TP63: variants seen among roughly 807,000 people sequenced by gnomAD.
TP63 encodes tumor protein p63.
A neutral mutation model predicts 82.8 loss-of-function variants in TP63; 17 were observed. The observed-to-expected ratio is 0.21, with a 90% confidence interval of 0.14 to 0.31. The LOEUF (loss-of-function observed/expected upper bound fraction) is 0.31, where lower values mean the gene tolerates loss of function less well. Among genes scored for constraint, TP63 ranks in the 10% least tolerant of loss-of-function variants. The pLI is 1.00. For missense variants in TP63, 648 were observed against 895.3 expected, an observed-to-expected ratio of 0.72 and a Z score of 3.52; for synonymous variants, 330 against 321.7, an observed-to-expected ratio of 1.03 and a Z score of -0.28.
At chr3:189,691,844 A>G (rs1372821412) in intron 1 of TP63, among the ~76,000 whole-genome samples, 1 of 152,214 alleles carries the variant, frequency 6.6e-6, no homozygotes. Context: ...AGTTAAAAAA[A>G]CTAAGTGACT....
rs186013999 is a variant in TP63 at position 189,708,362 on chromosome 3, C to T, written c.63-29378C>T. ...AAACCACAATCTATCTTTGTTTTCT[C>T]GTTTGTTTGTTAGCTACAGCCTGAT... On this transcript the variant is annotated intron_variant, in intron 1 of 13. Transcript: ENST00000264731. Among the ~76,000 whole-genome samples the T allele has an allele frequency of 8.5e-5, 13 of 152,232 alleles. No individual in the cohort carries two copies. In the Middle Eastern group the frequency reaches 0.01, roughly 119 times the overall value.
chr3:189,772,386 T>G (rs1277716234), intron 3 of TP63, among the ~76,000 whole-genome samples: 1 of 152,230 alleles, frequency 6.6e-6, no homozygotes, highest in East Asian at 1.9e-4. Context: ...GGTCTCCTAA[T>G]TGTTTCCACT....
chr3:189,680,188 G>C (rs564527891), intron 1 of TP63, among the ~76,000 whole-genome samples: 41 of 152,112 alleles, frequency 2.7e-4, no homozygotes, highest in Middle Eastern at 6.8e-3. Context: ...TCTTTTGGGT[G>C]TTTGGATATT....
chr3:189,879,853 C>G (rs772295530), intron 10 of TP63, among the ~76,000 whole-genome samples: 31 of 152,086 alleles, frequency 2.0e-4, no homozygotes, highest in Non-Finnish European at 4.0e-4. Context: ...ACTACTATAG[C>G]CTTATCCCAT....
At chr3:189,614,014 A>G in the TP63 span, among the ~76,000 whole-genome samples, 1 of 152,094 alleles carries the variant, frequency 6.6e-6, no homozygotes, top group Non-Finnish European at 1.5e-5. Flanking sequence ...TGGACTGTGG[A>G]CTTTTTGGTT....
chr3:189,601,594 G>A, the TP63 span, among the ~76,000 whole-genome samples: 1 of 152,068 alleles, frequency 6.6e-6, no homozygotes, highest in Non-Finnish European at 1.5e-5. Context: ...TTTATCCTTA[G>A]AACATTGAAG....
At chr3:189,674,377 A>G (rs1715202077) in intron 1 of TP63, among the ~76,000 whole-genome samples, 1 of 152,080 alleles carries the variant, frequency 6.6e-6, no homozygotes, top group South Asian at 2.1e-4. Flanking sequence ...CCTCAAAAAC[A>G]GAAACCCAGA....
intron 3 of TP63, among the ~76,000 whole-genome samples, chr3:189,802,807 T>C (rs35389543): frequency 0.066 from 10,052 of 152,264 alleles, 454 homozygotes; most frequent in Non-Finnish European, 0.097. Flanking sequence ...TTGGGAATAC[T>C]GTTGTATCTT....
At chr3:189,884,142 A>G (rs1720199228) in intron 10 of TP63, among the ~76,000 whole-genome samples, 1 of 152,170 alleles carries the variant, frequency 6.6e-6, no homozygotes, top group Non-Finnish European at 1.5e-5. Context: ...TCAGTGAGCA[A>G]AGAGAATTGA....
At chr3:189,642,978 A>AATTTATTTATTTATTTATTTATTTATTT (rs202072069) in intron 1 of TP63, among the ~76,000 whole-genome samples, 3 of 137,704 alleles carry the variant, frequency 2.2e-5, no homozygotes, top group Non-Finnish European at 4.7e-5. Context: ...CAGACAGCCA[A>AATTTATTTATTTATTTATTTATTTATTT]ATTTATTTAT....
chr3:189,858,619 A>G (rs1014517082), intron 4 of TP63, among the ~76,000 whole-genome samples: 1 of 152,128 alleles, frequency 6.6e-6, no homozygotes, highest in South Asian at 2.1e-4. Flanking sequence ...TACAAAAAAC[A>G]TACACCAAAA....
At chr3:189,848,972 G>A (rs1316696665) in intron 4 of TP63, among the ~76,000 whole-genome samples, 1 of 152,152 alleles carries the variant, frequency 6.6e-6, no homozygotes, top group Non-Finnish European at 1.5e-5. Context: ...CCACCCCCCA[G>A]CCTCCAGGAA....
At chr3:189,704,429 T>C (rs1718049722) in intron 1 of TP63, among the ~76,000 whole-genome samples, 3 of 152,234 alleles carry the variant, frequency 2.0e-5, no homozygotes, top group Non-Finnish European at 2.9e-5. Context: ...AATATCTACC[T>C]ATTGTTCAGA....
chr3:189,723,448 C>A (rs1719541436), intron 1 of TP63, among the ~76,000 whole-genome samples: 1 of 152,208 alleles, frequency 6.6e-6, no homozygotes, highest in African/African-American at 2.4e-5. Context: ...ATTGCAGATA[C>A]TTTGCTCATG....
At chr3:189,637,540 A>G (rs1207103910) in intron 1 of TP63, among the ~76,000 whole-genome samples, 1 of 152,172 alleles carries the variant, frequency 6.6e-6, no homozygotes, top group African/African-American at 2.4e-5. Flanking sequence ...TGTATTGTCA[A>G]AGATCACACA....
At chr3:189,702,448 T>G (rs781011008) in intron 1 of TP63, among the ~76,000 whole-genome samples, 15 of 152,168 alleles carry the variant, frequency 9.9e-5, no homozygotes, top group Non-Finnish European at 1.8e-4. Context: ...AAGAGGAGGT[T>G]TGATTGGTAA....
At chr3:189,615,358 A>C in the TP63 span, among the ~76,000 whole-genome samples, 1 of 152,098 alleles carries the variant, frequency 6.6e-6, no homozygotes, top group Non-Finnish European at 1.5e-5. Context: ...CTCTTCAGAA[A>C]GGTCTTTCTC....
At chr3:189,886,330 A>C in intron 10 of TP63, 64 bp from the exon 11 acceptor site, 1 of 1,566,744 alleles carries the variant, frequency 6.4e-7, no homozygotes, top group Non-Finnish European at 8.8e-7. Flanking sequence ...GACCTGTTGA[A>C]AATCAATAGT....
intron 1 of TP63, among the ~76,000 whole-genome samples, chr3:189,662,209 A>G (rs1467433019): frequency 6.6e-6 from 1 of 152,120 alleles, no homozygotes; most frequent in Admixed American, 6.6e-5. Flanking sequence ...TTAGCACTAT[A>G]AACATTCATC....
Sources: allele counts gnomAD v4.1 joint callset (sites outside exome capture counted in the v4.1 genomes callset), GRCh38; gene constraint gnomAD v4.1.1; transcripts MANE v1.5; gene names NCBI Gene and HGNC (gene_info 2026-07-23, HGNC 2026-07-21).